The following DMD variants were observed in gnomAD, a reference collection of about 807,000 sequenced individuals.
DMD encodes the protein mutant dystrophin.
In DMD, 63 loss-of-function variants were observed where a neutral mutation model predicts 330.1. The ratio of observed to expected loss-of-function variants is 0.19; its 90% CI spans 0.16 to 0.24. DMD has a LOEUF of 0.24. Among genes scored for constraint, DMD ranks in the 10% least tolerant of loss-of-function variants. The pLI, the probability that DMD is intolerant of heterozygous loss-of-function variation, is 1.00. For missense variants in DMD, 3,344 were observed against 2,684.1 expected (o/e 1.25, Z -5.43); for synonymous variants, 1,223 against 959.8 (o/e 1.27, Z -5.07).
intron 1 of DMD, among the ~76,000 whole-genome samples, chrX:33,075,515 C>T (rs765936299): frequency 2.7e-5 from 3 of 112,434 alleles, no homozygotes; most frequent in African/African-American, 9.7e-5. Context: ...CAGATACATT[C>T]TGAGCCTCCA....
At chrX:32,795,464 G>A (rs2076115964) in intron 7 of DMD, among the ~76,000 whole-genome samples, 1 of 111,880 alleles carries the variant, frequency 8.9e-6, no homozygotes, top group South Asian at 3.7e-4. Flanking sequence ...AGAAAATTCA[G>A]CTCAAGATGG....
intron 60 of DMD, among the ~76,000 whole-genome samples, chrX:31,418,424 G>A (rs57875151): frequency 0.013 from 1,455 of 111,628 alleles, 25 homozygotes; most frequent in African/African-American, 0.044. Flanking sequence ...ATTTTGGGGA[G>A]ACACAAATAT....
chrX:32,688,374 C>A (rs1447480140), intron 9 of DMD, among the ~76,000 whole-genome samples: 1 of 112,178 alleles, frequency 8.9e-6, no homozygotes, highest in East Asian at 2.8e-4. Context: ...CTCCAAATAT[C>A]TTTACCAAAT....
chrX:32,416,191 TTAA>T (rs1216182285), intron 29 of DMD, among the ~76,000 whole-genome samples: 1 of 112,091 alleles, frequency 8.9e-6, no homozygotes, highest in African/African-American at 3.2e-5. Flanking sequence ...AAAAAATCAT[TTAA>T]TAATATTTTA....
intron 17 of DMD, among the ~76,000 whole-genome samples, chrX:32,522,092 C>T (rs2046483912): frequency 8.9e-6 from 1 of 111,872 alleles, no homozygotes; most frequent in Admixed American, 9.4e-5. Context: ...TTATAAGCTA[C>T]CCAGTTTATG....
At chrX:31,325,616 AAAACAAAC>A (rs758604649) in intron 61 of DMD, among the ~76,000 whole-genome samples, 1 of 110,889 alleles carries the variant, frequency 9.0e-6, no homozygotes, top group Non-Finnish European at 1.9e-5. Flanking sequence ...CTCCAACTGA[AAAACAAAC>A]AAACAAACAA....
chrX:33,034,628 G>C (rs945062154), intron 1 of DMD, among the ~76,000 whole-genome samples: 1 of 111,708 alleles, frequency 9.0e-6, no homozygotes, highest in Non-Finnish European at 1.9e-5. Context: ...TATGTGTTCC[G>C]CCAGTTCTAA....
At chrX:33,020,837 C>T (rs778360749) in intron 1 of DMD, among the ~76,000 whole-genome samples, 19 of 111,094 alleles carry the variant, frequency 1.7e-4, no homozygotes, top group East Asian at 2.9e-4. Flanking sequence ...TCATTTACTC[C>T]GAAAAACTAT....
intron 2 of DMD, among the ~76,000 whole-genome samples, chrX:32,895,339 C>A (rs145491460): frequency 1.8e-5 from 2 of 112,313 alleles, no homozygotes; most frequent in Non-Finnish European, 3.8e-5. Context: ...TATTGTAATA[C>A]CATGACAAAG....
At chrX:32,839,728 G>T (rs1279297866) in intron 4 of DMD, among the ~76,000 whole-genome samples, 1 of 65,132 alleles carries the variant, frequency 1.5e-5, no homozygotes, top group African/African-American at 9.4e-5. Context: ...ATAAGATAAT[G>T]CATTTTTTTT....
intron 44 of DMD, among the ~76,000 whole-genome samples, chrX:32,140,409 A>T (rs151111514): frequency 7.4e-4 from 83 of 112,513 alleles, no homozygotes; most frequent in African/African-American, 2.6e-3. Flanking sequence ...AAAAATCGTC[A>T]ACACTGGGAT....
chrX:32,948,925 T>C (rs1252653859), intron 2 of DMD, among the ~76,000 whole-genome samples: 1 of 111,642 alleles, frequency 9.0e-6, no homozygotes, highest in Admixed American at 9.6e-5. Flanking sequence ...GACGATAAAA[T>C]TAAAAATAAG....
intron 2 of DMD, among the ~76,000 whole-genome samples, chrX:32,898,194 T>C (rs757909407): frequency 8.9e-6 from 1 of 111,951 alleles, no homozygotes; most frequent in South Asian, 3.7e-4. Flanking sequence ...CACTGGCGTT[T>C]TGGAAGTCAA....
intron 44 of DMD, among the ~76,000 whole-genome samples, chrX:32,078,399 T>C (rs888191176): frequency 8.9e-6 from 1 of 112,172 alleles, no homozygotes; most frequent in African/African-American, 3.2e-5. Flanking sequence ...GGTCTTTTTA[T>C]TCCACTTTCA....
chrX:32,283,822 G>A (rs2097429501), intron 43 of DMD, among the ~76,000 whole-genome samples: 1 of 111,207 alleles, frequency 9.0e-6, no homozygotes, highest in Non-Finnish European at 1.9e-5. Context: ...GAGACTACAT[G>A]ACCTGCAGGG....
At chrX:32,010,817 C>T (rs1231308451) in intron 44 of DMD, among the ~76,000 whole-genome samples, 1 of 111,815 alleles carries the variant, frequency 8.9e-6, no homozygotes, top group Non-Finnish European at 1.9e-5. Context: ...GTGTGCCTCC[C>T]CTGAGAGCTC....
chrX:32,201,302 T>C (rs988323848), intron 44 of DMD, among the ~76,000 whole-genome samples: 1 of 111,894 alleles, frequency 8.9e-6, no homozygotes, highest in African/African-American at 3.3e-5. Flanking sequence ...TATTGTATTG[T>C]AGTCACCTAT....
chrX:32,255,444 A>G (rs1264669078), intron 43 of DMD, among the ~76,000 whole-genome samples: 1 of 111,508 alleles, frequency 9.0e-6, no homozygotes, highest in Non-Finnish European at 1.9e-5. Context: ...TTGCAAAAAA[A>G]AAAAAAAATG....
chrX:31,717,882 C>A (rs2085176682), intron 52 of DMD, among the ~76,000 whole-genome samples: 1 of 112,021 alleles, frequency 8.9e-6, no homozygotes, highest in Non-Finnish European at 1.9e-5. Context: ...CTTTCCTCGA[C>A]CAGTTCTACG....
Sources: allele counts gnomAD v4.1 joint callset (sites outside exome capture counted in the v4.1 genomes callset), GRCh38; gene constraint gnomAD v4.1.1; transcripts MANE v1.5; gene names NCBI Gene and HGNC (gene_info 2026-07-23, HGNC 2026-07-21).